MYH14: variants seen among roughly 807,000 people sequenced by gnomAD.
MYH14 encodes myosin heavy chain 14, also known as myosin-14.
Under a neutral mutation model 255.5 loss-of-function variants are expected in MYH14, and 123 were observed. The ratio of observed to expected loss-of-function variants is 0.48; its 90% CI spans 0.42 to 0.56. The LOEUF (loss-of-function observed/expected upper bound fraction) is 0.56. Ranked by LOEUF, MYH14 falls within the 20% of genes least tolerant of loss-of-function variation. MYH14 has a pLI of 0.00. For missense variants in MYH14, 2,423 were observed against 2,802.3 expected (o/e 0.86, Z 3.06); for synonymous variants, 1,095 against 1,161.2 (o/e 0.94, Z 1.16).
rs745624194 is a variant in MYH14 at position 50,217,605 on chromosome 19, C to T, written c.406-10C>T. On this transcript the variant is annotated splice_polypyrimidine_tract_variant and intron_variant, in intron 2 of 42. Transcript: ENST00000642316. ...CCATCTGAGACCCTCTCCCCTCTCA[C>T]CCACTGCAGACGTACTCCGGCCTTT... 1.2e-6 allele frequency: 2 copies of T among 1,614,038 alleles called. No homozygotes were observed. The highest frequency in any genetic ancestry group is 1.1e-5 in the South Asian group (1 of 91,090).
rs1290886560 is a variant in MYH14, at chr19:50,289,612, G to T, written c.4929G>T (p.Glu1643Asp). 3 of 1,612,328 alleles carry T rather than the reference G, an allele frequency of 1.9e-6. No individual in the cohort carries two copies. In the Middle Eastern group the frequency reaches 5.1e-4, roughly 274 times the overall value. The change falls in exon 35 of 43, where the codon GAG (glutamate) becomes GAT (aspartate). Residue 1643 changes from glutamate (E) to aspartate (D), a missense_variant. By Grantham distance (45) the Glu-to-Asp change is conservative. Transcript: ENST00000642316. ...QHERDLQGRD[E>D]AGEERRRQLA... ...AGCGTGACCTGCAGGGCCGTGATGA[G>T]GCTGGTGAAGAGAGGCGGAGGCAGC...
rs2034245445 is a variant in MYH14 at position 50,248,976 on chromosome 19, C to G, written c.1330-11C>G. 3 of 1,613,086 alleles carry G rather than the reference C, an allele frequency of 1.9e-6. No individual in the cohort carries two copies. Among genetic ancestry groups the G allele is most frequent in the African/African-American group, 1.3e-5 (1 of 75,060 alleles). ...GCAGGCTGCGCCCTTACCATGAGCC[C>G]TGTCCCACAGGCTGACTTCGCGCTG... On this transcript the variant is annotated splice_polypyrimidine_tract_variant and intron_variant, in intron 12 of 42. Transcript: ENST00000642316.
chr19:50,210,321 G>A (rs900958821), intron 1 of MYH14, 42 bp from the exon 2 acceptor site: 33 of 1,519,624 alleles, frequency 2.2e-5, no homozygotes, highest in African/African-American at 2.1e-4. Flanking sequence ...CCCGGGGGAC[G>A]GAGCCCCATC....
intron 20 of MYH14, 73 bp downstream of exon 20, chr19:50,260,788 T>C (rs1209878107): frequency 4.1e-5 from 47 of 1,151,726 alleles, no homozygotes; most frequent in African/African-American, 1.4e-4. Flanking sequence ...TGCATGTGTG[T>C]GTGCATGCAT....
intron 39 of MYH14, among the ~76,000 whole-genome samples, chr19:50,298,963 C>T (rs988745731): frequency 1.3e-5 from 2 of 151,966 alleles, no homozygotes; most frequent in African/African-American, 2.4e-5. Context: ...TGATGGTGTG[C>T]ACCTGTAGTT....
intron 36 of MYH14, among the ~76,000 whole-genome samples, chr19:50,291,789 C>T (rs527409910): frequency 6.6e-6 from 1 of 152,142 alleles, no homozygotes; most frequent in African/African-American, 2.4e-5. Flanking sequence ...TGCTTGAATC[C>T]GGGAGGCAGT....
intron 13 of MYH14, 138 bp downstream of exon 13, chr19:50,249,277 G>T: frequency 9.6e-7 from 1 of 1,045,118 alleles, no homozygotes; most frequent in Non-Finnish European, 1.4e-6. Flanking sequence ...CCTCTCTCTG[G>T]TCTCTGTCCC....
chr19:50,292,608 G>T (rs934993986), intron 37 of MYH14, among the ~76,000 whole-genome samples: 3 of 152,052 alleles, frequency 2.0e-5, no homozygotes, highest in Non-Finnish European at 4.4e-5. Flanking sequence ...TGTAAGGCTC[G>T]GGAGGTGGGT....
chr19:50,236,779 TA>T lies in MYH14; in HGVS notation c.1114+4716del, dbSNP rs369738477. Among the ~76,000 whole-genome samples the T allele has an allele frequency of 7.5e-4, 114 of 152,248 alleles. 1 individual carries two copies. In the South Asian group the frequency reaches 0.022, roughly 30 times the overall value. On this transcript the variant is annotated intron_variant, in intron 10 of 42. Transcript: ENST00000642316. ...TGTGATTCTTGTTTGCGTTCAGCAT[TA>T]AAAAAATCGAACAGCTTTAAGATAT...
chr19:50,260,047 A>T (rs1392620794), intron 19 of MYH14, among the ~76,000 whole-genome samples: 1 of 152,206 alleles, frequency 6.6e-6, no homozygotes, highest in Non-Finnish European at 1.5e-5. Flanking sequence ...ACAATTGAAC[A>T]TTTTCTAATA....
intron 25 of MYH14, 87 bp downstream of exon 25, chr19:50,271,633 C>A: frequency 6.5e-7 from 1 of 1,529,202 alleles, no homozygotes. Flanking sequence ...TGGGGGTTAC[C>A]ACACTGCGGT....
chr19:50,250,689 G>C lies in MYH14; in HGVS notation c.1830+1G>C. 1 of 1,609,818 alleles carries C rather than the reference G, an allele frequency of 6.2e-7. No individual in the cohort carries two copies. Among genetic ancestry groups the C allele is most frequent in the Non-Finnish European group, 8.5e-7 (1 of 1,176,552 alleles). ...CAGTGTTCTCCACTACGCGGGCAAG[G>C]TAGGGGCTGGGGCCGGCCTTGGGGC... On this transcript the variant is annotated splice_donor_variant, in intron 15 of 42. Transcript: ENST00000642316. LOFTEE classifies it high-confidence loss of function. This position sits in a 1 kb window ranked among gnomAD's most constrained non-coding sequence, Gnocchi z 5.4.
intron 30 of MYH14, among the ~76,000 whole-genome samples, chr19:50,279,065 C>G (rs1307665778): frequency 6.6e-6 from 1 of 152,088 alleles, no homozygotes. Context: ...AGTGGTATGG[C>G]CATCACCATA....
At position 50,280,181 on chromosome 19, in the gene MYH14, C is replaced by G. The variant is rs1257348245; in HGVS notation, c.4137+40C>G. 7 of 1,558,886 alleles carry G rather than the reference C, an allele frequency of 4.5e-6. No homozygotes were observed. The Admixed American group carries it at 1.2e-4, about 26-fold the overall frequency. On this transcript the variant is annotated intron_variant, in intron 31 of 42. Coordinates refer to ENST00000642316, the MANE Select transcript of MYH14 (RefSeq NM_001145809.2). The surrounding 1 kb of genome is among the most constrained non-coding windows in gnomAD (Gnocchi z 4.8). ...CCTTCGGCTCCACCGTCACCCTCCC[C>G]TCCTTGTCCTCCCAGCCACACCTGA...
At chr19:50,226,424 C>T (rs1389238622) in intron 7 of MYH14, among the ~76,000 whole-genome samples, 1 of 120,800 alleles carries the variant, frequency 8.3e-6, no homozygotes, top group Non-Finnish European at 1.8e-5. Context: ...GGGCTGGGGG[C>T]CTGGACCCCT....
At position 50,301,697 on chromosome 19, in the gene MYH14, A is replaced by C; in HGVS notation, c.5506A>C (p.Ser1836Arg). 6.2e-6 allele frequency: 10 copies of C among 1,613,824 alleles called. No individual in the cohort carries two copies. Among genetic ancestry groups the C allele is most frequent in the Non-Finnish European group, 8.5e-6 (10 of 1,179,774 alleles). Reference sequence around the variant, plus strand: ...GACCACAGAGCTGTCAGCTGAGCGCAGTTTCTCAGCCAAGGCAGAGAGCGG... The same window carrying C: ...GACCACAGAGCTGTCAGCTGAGCGCCGTTTCTCAGCCAAGGCAGAGAGCGG... ...SLTTELSAER[S>R]FSAKAESGRQ... is the part of the protein sequence containing the mutation. The change falls in exon 40 of 43, where the codon AGT becomes CGT. Residue 1836 changes from serine to arginine, a missense_variant. Physicochemically the swap from Ser to Arg is moderately radical, Grantham distance 110. Transcript: ENST00000642316.
At chr19:50,208,189 C>T (rs972276003) in intron 1 of MYH14, among the ~76,000 whole-genome samples, 1 of 152,096 alleles carries the variant, frequency 6.6e-6, no homozygotes, top group Non-Finnish European at 1.5e-5. Flanking sequence ...CCCAGGCGGG[C>T]GGATCACCTG....
intron 40 of MYH14, among the ~76,000 whole-genome samples, chr19:50,302,933 AAAC>A: frequency 6.6e-6 from 1 of 152,080 alleles, no homozygotes; most frequent in South Asian, 2.1e-4. Flanking sequence ...GAAAAAGAAA[AAAC>A]AAACAAAGTG....
chr19:50,249,845 G>A, intron 14 of MYH14, 22 bp downstream of exon 14: 1 of 1,613,286 alleles, frequency 6.2e-7, no homozygotes, highest in Non-Finnish European at 8.5e-7. Context: ...GCCCCTCCCA[G>A]CCCACACTCA....
Sources: allele counts gnomAD v4.1 joint callset (sites outside exome capture counted in the v4.1 genomes callset), GRCh38; gene constraint gnomAD v4.1.1; non-coding constraint Gnocchi (gnomAD v3.1); transcripts MANE v1.5; gene names NCBI Gene and HGNC (gene_info 2026-07-23, HGNC 2026-07-21).